PBLD: variants seen among roughly 807,000 people sequenced by gnomAD.
PBLD encodes phenazine biosynthesis like protein domain containing, also known as phenazine biosynthesis-like domain-containing protein.
In PBLD, 26 loss-of-function variants were observed where a neutral mutation model predicts 31.3. That is an observed-to-expected ratio of 0.83 (90% CI 0.61 to 1.15). The LOEUF (loss-of-function observed/expected upper bound fraction) is 1.15. PBLD is among the 50% of genes most tolerant of loss of function. The pLI is 0.00. For missense variants in PBLD, 307 were observed against 351.7 expected, an observed-to-expected ratio of 0.87 and a Z score of 1.02; for synonymous variants, 114 against 129.0, an observed-to-expected ratio of 0.88 and a Z score of 0.79.
intron 8 of PBLD, among the ~76,000 whole-genome samples, 199 bp from the exon 9 acceptor site, chr10:68,285,609 C>T (rs915304417): frequency 4.6e-5 from 7 of 152,128 alleles, no homozygotes; most frequent in African/African-American, 1.7e-4. Context: ...TGGATAAACT[C>T]GGCCAAATTA....
intron 3 of PBLD, 68 bp downstream of exon 3, chr10:68,296,818 A>G (rs1479851922): frequency 1.5e-6 from 2 of 1,357,224 alleles, no homozygotes; most frequent in Non-Finnish European, 2.1e-6. Context: ...GCAGTGAGTC[A>G]AGATCATGCC....
At chr10:68,327,928 T>C (rs569944581) in intron 1 of PBLD, among the ~76,000 whole-genome samples, 1 of 152,356 alleles carries the variant, frequency 6.6e-6, no homozygotes, top group South Asian at 2.1e-4. Context: ...AGGTGCTTTC[T>C]TCCTTTTGAG....
intron 1 of PBLD, among the ~76,000 whole-genome samples, chr10:68,330,820 C>T (rs1313826849): frequency 4.0e-5 from 6 of 151,774 alleles, no homozygotes; most frequent in Non-Finnish European, 4.4e-5. Flanking sequence ...ATCTCTTTAC[C>T]AGGCTTCCCC....
At chr10:68,328,010 C>T (rs898622314) in intron 1 of PBLD, among the ~76,000 whole-genome samples, 5 of 152,076 alleles carry the variant, frequency 3.3e-5, no homozygotes, top group Non-Finnish European at 1.5e-5. Flanking sequence ...ACAAAGAACA[C>T]TTAGGTGACT....
intron 1 of PBLD, among the ~76,000 whole-genome samples, chr10:68,332,526 C>T (rs2045213594): frequency 6.6e-6 from 1 of 152,252 alleles, no homozygotes. Flanking sequence ...GGCGCGGCCA[C>T]CTCGGCTTCC....
At chr10:68,319,825 TA>T (rs1375823548) in intron 1 of PBLD, among the ~76,000 whole-genome samples, 1 of 138,860 alleles carries the variant, frequency 7.2e-6, no homozygotes, top group Admixed American at 7.5e-5. Context: ...TATTTTTATT[TA>T]TTTATTTTTT....
At chr10:68,290,694 G>T (rs780628799) in intron 6 of PBLD, among the ~76,000 whole-genome samples, 5 of 152,178 alleles carry the variant, frequency 3.3e-5, no homozygotes, top group Non-Finnish European at 7.3e-5. Context: ...TCCAACCTGG[G>T]CAACAAGAGC....
intron 9 of PBLD, 27 bp downstream of exon 9, chr10:68,285,317 TAAAA>T (rs2044272350): frequency 6.2e-7 from 1 of 1,613,924 alleles, no homozygotes; most frequent in Non-Finnish European, 8.5e-7. Flanking sequence ...ATTAGGCAAA[TAAAA>T]AAGAAATTGG....
intron 8 of PBLD, among the ~76,000 whole-genome samples, chr10:68,286,866 G>A (rs1020672086): frequency 3.9e-5 from 5 of 127,560 alleles, no homozygotes; most frequent in African/African-American, 1.4e-4. Context: ...AGTGTTATGG[G>A]GTGGGCGTCC....
At chr10:68,284,317 G>T (rs1487288644) in intron 9 of PBLD, 28 bp from the exon 10 acceptor site, 1 of 1,563,482 alleles carries the variant, frequency 6.4e-7, no homozygotes, top group South Asian at 1.1e-5. Context: ...GTCAAATTAA[G>T]AGTATTTTCA....
rs1313751447 is a variant in PBLD, at chr10:68,308,740, C to T, written c.-59-1837G>A. ...ATTTTTTGTAGAGACAGGGTTTCGC[C>T]ATGTTGGCCAGGCTGGTCTGGAACT... On this transcript the variant is annotated intron_variant, in intron 1 of 9. Transcript: ENST00000358769. Among the ~76,000 whole-genome samples the T allele has an allele frequency of 4.0e-5, 6 of 150,058 alleles. 1 individual carries two copies. Among genetic ancestry groups the T allele is most frequent in the African/African-American group, 1.5e-4 (6 of 40,790 alleles).
At chr10:68,325,987 T>G (rs1277452140) in intron 1 of PBLD, among the ~76,000 whole-genome samples, 1 of 152,130 alleles carries the variant, frequency 6.6e-6, no homozygotes, top group African/African-American at 2.4e-5. Context: ...CTCTTGAAAG[T>G]CAGGGACAGG....
At position 68,286,127 on chromosome 10, in the gene PBLD, G is replaced by A. The variant is rs1184829768; in HGVS notation, c.692-717C>T. ...TTTTGAGACGGAGTCTCGCTCTGTC[G>A]CCCAGGCTGGAGTGCAGTGGCACAA... On this transcript the variant is annotated intron_variant, in intron 8 of 9. Transcript: ENST00000358769. Among the ~76,000 whole-genome samples, 43 of 119,856 alleles carry A rather than the reference G, an allele frequency of 3.6e-4. No individual in the cohort carries two copies. The East Asian group carries it at 3.8e-3, about 11-fold the overall frequency. 78.6% of individuals were successfully genotyped at this position (119,856 alleles called of 152,430 possible).
At chr10:68,329,306 GGCAAGCAA>G (rs66505136) in intron 1 of PBLD, among the ~76,000 whole-genome samples, 7 of 152,046 alleles carry the variant, frequency 4.6e-5, no homozygotes, top group Admixed American at 1.3e-4. Context: ...AAGAAATTAT[GGCAAGCAA>G]GCAAGCAAGC....
At chr10:68,294,856 T>G (rs2134443031) in intron 4 of PBLD, among the ~76,000 whole-genome samples, 1 of 152,302 alleles carries the variant, frequency 6.6e-6, no homozygotes, top group Non-Finnish European at 1.5e-5. Context: ...GCCTCCTGAG[T>G]AGCTGGGACT....
intron 1 of PBLD, among the ~76,000 whole-genome samples, chr10:68,309,923 G>A (rs2044642241): frequency 6.7e-6 from 1 of 150,116 alleles, no homozygotes; most frequent in South Asian, 2.1e-4. Flanking sequence ...ATCACTTGAT[G>A]TCAGGAGTTC....
chr10:68,298,334 GC>G (rs1354286221), intron 2 of PBLD, among the ~76,000 whole-genome samples: 2 of 152,132 alleles, frequency 1.3e-5, no homozygotes, highest in Non-Finnish European at 2.9e-5. Flanking sequence ...CCAGGCACAT[GC>G]CTATAATCCC....
At chr10:68,314,175 C>T (rs1330195132) in intron 1 of PBLD, among the ~76,000 whole-genome samples, 1 of 152,066 alleles carries the variant, frequency 6.6e-6, no homozygotes, top group Non-Finnish European at 1.5e-5. Context: ...TGGGGTTTCA[C>T]TATGTTGGCC....
chr10:68,322,858 T>C (rs970829999), intron 1 of PBLD, among the ~76,000 whole-genome samples: 2 of 151,628 alleles, frequency 1.3e-5, no homozygotes, highest in African/African-American at 4.8e-5. Flanking sequence ...AGTGAGCCTC[T>C]CCATTAACTG....
Sources: gnomAD v4.1 joint callset for allele counts (sites outside exome capture counted in the v4.1 genomes callset) on GRCh38, gnomAD v4.1.1 for gene constraint, MANE v1.5 for transcripts, NCBI Gene and HGNC (gene_info 2026-07-23, HGNC 2026-07-21) for gene names.